MBNL1: variants seen among roughly 807,000 people sequenced by gnomAD.
MBNL1 encodes muscleblind like splicing regulator 1, also known as muscleblind-like protein 1.
MBNL1 carries 8 observed loss-of-function variants against 42.2 expected under a neutral mutation model. That is an observed-to-expected ratio of 0.19 (90% CI 0.11 to 0.34). MBNL1 has a LOEUF of 0.34. Among genes scored for constraint, MBNL1 ranks in the 10% least tolerant of loss-of-function variants. The pLI is 1.00. For missense variants in MBNL1, 309 were observed against 495.3 expected, an observed-to-expected ratio of 0.62 and a Z score of 3.57; for synonymous variants, 169 against 173.9, an observed-to-expected ratio of 0.97 and a Z score of 0.22.
intron 2 of MBNL1, among the ~76,000 whole-genome samples, chr3:152,398,354 A>G (rs894343614): frequency 4.6e-5 from 7 of 152,018 alleles, no homozygotes. Context: ...TTTTTTAATT[A>G]AAAAAGACCT....
At chr3:152,344,690 G>C (rs1362334408) in intron 2 of MBNL1, among the ~76,000 whole-genome samples, 1 of 152,046 alleles carries the variant, frequency 6.6e-6, no homozygotes, top group Non-Finnish European at 1.5e-5. Context: ...AAACATTTTC[G>C]CTTTCGAAAA....
At chr3:152,295,471 A>G (rs1367164073) in intron 1 of MBNL1, among the ~76,000 whole-genome samples, 3 of 152,166 alleles carry the variant, frequency 2.0e-5, no homozygotes, top group Non-Finnish European at 4.4e-5. Context: ...TTGGGACCAC[A>G]TCCTCCCATA....
chr3:152,438,533 T>C (rs865928211), intron 4 of MBNL1, among the ~76,000 whole-genome samples: 2 of 152,216 alleles, frequency 1.3e-5, no homozygotes, highest in Non-Finnish European at 2.9e-5. Context: ...AAATACAGCA[T>C]CTTGGTTATG....
chr3:152,414,825 T>A (rs901074298), intron 2 of MBNL1, 116 bp from the exon 3 acceptor site: 1 of 909,014 alleles, frequency 1.1e-6, no homozygotes, highest in Non-Finnish European at 1.8e-6. Flanking sequence ...ATATGGACAA[T>A]GCATTGTGTG....
intron 2 of MBNL1, chr3:152,338,265 G>C (rs1181756487): frequency 5.1e-6 from 5 of 985,232 alleles, no homozygotes; most frequent in Non-Finnish European, 6.0e-6. Flanking sequence ...CACTACCTGA[G>C]CTCTGTGCCA....
intron 2 of MBNL1, among the ~76,000 whole-genome samples, chr3:152,351,986 C>T (rs182194845): frequency 1.0e-3 from 159 of 152,050 alleles, no homozygotes; most frequent in African/African-American, 3.6e-3. Flanking sequence ...CACAAATGAT[C>T]GATAATCTAT....
chr3:152,340,956 T>C (rs2152829403), intron 2 of MBNL1: 1 of 1,514,382 alleles, frequency 6.6e-7, no homozygotes, highest in Non-Finnish European at 8.8e-7. Context: ...CCTGCACCTA[T>C]ACCACTTTCC....
chr3:152,347,384 A>T (rs2094424351), intron 2 of MBNL1, among the ~76,000 whole-genome samples: 1 of 152,148 alleles, frequency 6.6e-6, no homozygotes, highest in Non-Finnish European at 1.5e-5. Flanking sequence ...TAGAACCTCA[A>T]ATTGAGTTAA....
In MBNL1 at chr3:152,465,043, AC is replaced by A. The variant is rs1003103560; in HGVS notation, c.*2678del. ...CCAGGATTTTTTCAGCTGGAAAGAT[AC>A]GCCATCCTTTCAAACCCTCATGACT... On this transcript the variant is annotated 3_prime_UTR_variant, in exon 10 of 10. Transcript: ENST00000324210. 2.0e-5 allele frequency: 3 copies of A among 152,548 alleles called. No individual in the cohort carries two copies. The highest frequency in any genetic ancestry group is 7.2e-5 in the African/African-American group (3 of 41,406). 9.4% of individuals were successfully genotyped at this position (152,548 alleles called of 1,614,324 possible). A position where few individuals can be genotyped will look rare whatever the true frequency, so the allele number is the denominator to read the frequency against.
intron 2 of MBNL1, among the ~76,000 whole-genome samples, chr3:152,372,425 C>A (rs1447400176): frequency 2.0e-5 from 3 of 152,138 alleles, no homozygotes; most frequent in Non-Finnish European, 4.4e-5. Context: ...TTCCTCATCT[C>A]CCTGGATTTA....
intron 2 of MBNL1, among the ~76,000 whole-genome samples, chr3:152,367,348 G>A (rs1430869631): frequency 6.6e-6 from 1 of 152,172 alleles, no homozygotes; most frequent in Non-Finnish European, 1.5e-5. Flanking sequence ...CCCTGCAAAG[G>A]ATATGAAGTC....
At chr3:152,372,676 G>A (rs113069808) in intron 2 of MBNL1, among the ~76,000 whole-genome samples, 2 of 152,120 alleles carry the variant, frequency 1.3e-5, no homozygotes, top group African/African-American at 2.4e-5. Context: ...TGGAAGTTTC[G>A]TCCCAGAGGG....
intron 2 of MBNL1, chr3:152,338,577 C>T (rs973177639): frequency 1.4e-5 from 14 of 985,336 alleles, no homozygotes; most frequent in Middle Eastern, 5.2e-4. Context: ...GGGATTTCTC[C>T]AAGCCCCTAA....
chr3:152,396,133 C>G, intron 2 of MBNL1: 1 of 325,044 alleles, frequency 3.1e-6, no homozygotes, highest in Middle Eastern at 1.1e-3. Context: ...AATCTAATGC[C>G]TGATGATCAG....
intron 2 of MBNL1, among the ~76,000 whole-genome samples, chr3:152,314,197 T>C (rs2068933933): frequency 1.3e-5 from 2 of 152,208 alleles, no homozygotes; most frequent in South Asian, 4.1e-4. Context: ...TATTTTTTTA[T>C]ACCTATATAA....
At chr3:152,462,211 A>G (rs540210921) in intron 9 of MBNL1, among the ~76,000 whole-genome samples, 174 bp from the exon 10 acceptor site, 1 of 152,170 alleles carries the variant, frequency 6.6e-6, no homozygotes, top group Admixed American at 6.6e-5. Context: ...TCGTGTAGAG[A>G]TGATAGACAA....
intron 2 of MBNL1, among the ~76,000 whole-genome samples, chr3:152,307,263 A>G (rs1410325887): frequency 6.6e-6 from 1 of 152,232 alleles, no homozygotes; most frequent in African/African-American, 2.4e-5. Context: ...TGCTGGGATT[A>G]CAGGCGTGAG....
At chr3:152,269,204 C>T (rs1260028852) in intron 1 of MBNL1, 112 bp downstream of exon 1, 1 of 388,040 alleles carries the variant, frequency 2.6e-6, no homozygotes, top group African/African-American at 2.1e-5. Context: ...CCGCGGTTCT[C>T]CCGGGCAGGG....
chr3:152,431,334 A>C (rs995012185), intron 3 of MBNL1, among the ~76,000 whole-genome samples: 1 of 152,210 alleles, frequency 6.6e-6, no homozygotes, highest in African/African-American at 2.4e-5. Context: ...CCACTGCCCT[A>C]AGAAAAAGGG....
Sources: gnomAD v4.1 joint callset for allele counts (sites outside exome capture counted in the v4.1 genomes callset) on GRCh38, gnomAD v4.1.1 for gene constraint, MANE v1.5 for transcripts, NCBI Gene and HGNC (gene_info 2026-07-23, HGNC 2026-07-21) for gene names.